The following SGCZ variants were observed in gnomAD, a reference collection of about 807,000 sequenced individuals.
The protein encoded by SGCZ is sarcoglycan zeta.
SGCZ carries 40 observed loss-of-function variants against 41.3 expected under a neutral mutation model. The ratio of observed to expected loss-of-function variants is 0.97; its 90% CI spans 0.75 to 1.26. The LOEUF is 1.26. Ranked by LOEUF, SGCZ falls within the 50% of genes most tolerant of loss-of-function variation. The probability of loss-of-function intolerance (pLI) is 0.00; values close to 1 mark genes in which losing one functional copy is unlikely to be tolerated. For synonymous variants in SGCZ, 206 were observed against 137.5 expected (o/e 1.50, Z -3.49); for missense variants, 552 against 369.8 (o/e 1.49, Z -4.04).
chr8:15,197,445 A>C (rs927661123), intron 1 of SGCZ, among the ~76,000 whole-genome samples: 4 of 152,226 alleles, frequency 2.6e-5, no homozygotes, highest in Admixed American at 2.6e-4. Flanking sequence ...GCACAAATTC[A>C]AAGCATAATA....
intron 2 of SGCZ, among the ~76,000 whole-genome samples, chr8:14,337,094 A>G (rs536044742): frequency 6.6e-6 from 1 of 152,256 alleles, no homozygotes; most frequent in South Asian, 2.1e-4. Flanking sequence ...AAGTATCTCC[A>G]TAGTTCCCTA....
chr8:14,112,720 A>C lies in SGCZ; in HGVS notation c.548-4485T>G, dbSNP rs116051331. Among the ~76,000 whole-genome samples the C allele has an allele frequency of 6.4e-3, 978 of 152,182 alleles. 14 individuals carry two copies. The highest frequency in any genetic ancestry group is 0.023 in the African/African-American group (947 of 41,528). The stretch of plus-strand genomic sequence containing the variant: ...AAAGCCCTTTGGTTTTTATTTGTAA[A>C]ATTAAAAACCAGATCATGAATAACA... On this transcript the variant is annotated intron_variant, in intron 5 of 7. Transcript: ENST00000382080.
intron 1 of SGCZ, among the ~76,000 whole-genome samples, chr8:14,984,618 G>A (rs1563411189): frequency 6.6e-6 from 1 of 152,014 alleles, no homozygotes; most frequent in African/African-American, 2.4e-5. Context: ...TGTATATCCT[G>A]TAACTTTGGT....
At chr8:14,581,568 C>T (rs965416167) in intron 1 of SGCZ, among the ~76,000 whole-genome samples, 2 of 152,012 alleles carry the variant, frequency 1.3e-5, no homozygotes, top group East Asian at 3.9e-4. Context: ...CTGGGAATGG[C>T]ATAGAGTGAA....
At chr8:14,974,952 T>A (rs1456177698) in intron 1 of SGCZ, among the ~76,000 whole-genome samples, 1 of 151,782 alleles carries the variant, frequency 6.6e-6, no homozygotes, top group African/African-American at 2.4e-5. Context: ...CAGTAATCTG[T>A]TGGGAAAAGG....
chr8:14,972,775 C>T (rs182140279), intron 1 of SGCZ, among the ~76,000 whole-genome samples: 2 of 152,228 alleles, frequency 1.3e-5, no homozygotes, highest in East Asian at 3.9e-4. Flanking sequence ...CGATAGCATA[C>T]GTCCATATCT....
intron 2 of SGCZ, among the ~76,000 whole-genome samples, chr8:14,536,461 T>C (rs1803299449): frequency 1.3e-5 from 2 of 152,006 alleles, no homozygotes; most frequent in Middle Eastern, 3.4e-3. Context: ...GATCTACTTT[T>C]GATTTCTTTT....
chr8:14,188,424 T>G (rs1871095), intron 4 of SGCZ, among the ~76,000 whole-genome samples: 151,465 of 152,282 alleles, frequency 0.99, 75,332 homozygotes, highest in East Asian at 1. Flanking sequence ...AAACATTATG[T>G]TTGGTGAAAA....
intron 2 of SGCZ, among the ~76,000 whole-genome samples, chr8:14,402,935 T>G (rs1224329719): frequency 6.7e-6 from 1 of 149,996 alleles, no homozygotes; most frequent in African/African-American, 2.5e-5. Context: ...GGAATGTTCT[T>G]CCATTTGTTT....
At chr8:14,244,268 C>T (rs1478093233) in intron 3 of SGCZ, among the ~76,000 whole-genome samples, 7 of 151,912 alleles carry the variant, frequency 4.6e-5, no homozygotes, top group Non-Finnish European at 8.8e-5. Context: ...CCTTCTTCCT[C>T]TTCCTCATTC....
At chr8:14,302,968 G>A (rs1280465610) in intron 3 of SGCZ, among the ~76,000 whole-genome samples, 1 of 152,102 alleles carries the variant, frequency 6.6e-6, no homozygotes, top group Non-Finnish European at 1.5e-5. Context: ...TCATATTCGT[G>A]CTTCTTACAC....
intron 2 of SGCZ, among the ~76,000 whole-genome samples, chr8:14,507,987 T>C (rs1170779834): frequency 6.6e-6 from 1 of 152,056 alleles, no homozygotes; most frequent in Admixed American, 6.6e-5. Context: ...GTCAGGCTGG[T>C]CTCAAACTCC....
chr8:14,821,163 C>G (rs1203066262), intron 1 of SGCZ, among the ~76,000 whole-genome samples: 1 of 151,834 alleles, frequency 6.6e-6, no homozygotes, highest in Non-Finnish European at 1.5e-5. Flanking sequence ...AATACAAAGG[C>G]TGATAAGAGA....
chr8:14,835,728 T>C (rs970134525), intron 1 of SGCZ, among the ~76,000 whole-genome samples: 4 of 152,210 alleles, frequency 2.6e-5, no homozygotes, highest in African/African-American at 7.2e-5. Context: ...CAGTGACTCT[T>C]GGTAACGCGG....
At chr8:14,779,097 A>G (rs1800502778) in intron 1 of SGCZ, among the ~76,000 whole-genome samples, 1 of 152,206 alleles carries the variant, frequency 6.6e-6, no homozygotes, top group African/African-American at 2.4e-5. Flanking sequence ...GAACTGTAAT[A>G]TTCAGCTTCT....
At chr8:14,853,528 C>G (rs747163413) in intron 1 of SGCZ, 1 of 528,582 alleles carries the variant, frequency 1.9e-6, no homozygotes, top group Admixed American at 1.9e-5. Context: ...CGGGGAGATT[C>G]TGAAGTCTCT....
At chr8:14,811,518 CTT>C (rs71209087) in intron 1 of SGCZ, among the ~76,000 whole-genome samples, 1 of 49,742 alleles carries the variant, frequency 2.0e-5, no homozygotes, top group African/African-American at 7.8e-5. Context: ...GACACTGCAT[CTT>C]TTTTTTTTTT....
At chr8:14,346,153 A>G (rs1802885031) in intron 2 of SGCZ, among the ~76,000 whole-genome samples, 1 of 152,102 alleles carries the variant, frequency 6.6e-6, no homozygotes, top group African/African-American at 2.4e-5. Context: ...TAACAAATGT[A>G]TCACAATAAT....
intron 2 of SGCZ, among the ~76,000 whole-genome samples, chr8:14,531,192 G>C (rs1412470438): frequency 6.6e-6 from 1 of 151,568 alleles, no homozygotes; most frequent in African/African-American, 2.4e-5. Flanking sequence ...CTTTTTCCAA[G>C]CCTATTCATA....
Sources: allele counts gnomAD v4.1 joint callset (sites outside exome capture counted in the v4.1 genomes callset), GRCh38; gene constraint gnomAD v4.1.1; transcripts MANE v1.5; gene names NCBI Gene and HGNC (gene_info 2026-07-23, HGNC 2026-07-21).